Variants in GPR155 observed in about 807,000 individuals in gnomAD.
GPR155 encodes the protein G protein-coupled receptor 155.
A neutral mutation model predicts 93.1 loss-of-function variants in GPR155; 65 were observed. The ratio of observed to expected loss-of-function variants is 0.70; its 90% CI spans 0.57 to 0.86. GPR155 has a LOEUF of 0.86. Among genes scored for constraint, GPR155 ranks in the 40% least tolerant of loss-of-function variants. The pLI, the probability that GPR155 is intolerant of heterozygous loss-of-function variation, is 0.00. For synonymous variants in GPR155, 319 were observed against 360.1 expected (o/e 0.89, Z 1.29); for missense variants, 838 against 1,034.8 (o/e 0.81, Z 2.61).
intron 5 of GPR155, among the ~76,000 whole-genome samples, chr2:174,468,149 T>C (rs1389290879): frequency 1.3e-5 from 2 of 152,214 alleles, no homozygotes; most frequent in African/African-American, 4.8e-5. Flanking sequence ...TATGGTCTCT[T>C]TCCCCAAACT....
At chr2:174,461,521 A>C (rs1687694653) in intron 8 of GPR155, 29 bp from the exon 9 acceptor site, 1 of 1,585,894 alleles carries the variant, frequency 6.3e-7, no homozygotes, top group East Asian at 2.2e-5. Flanking sequence ...TTGGGAGAGA[A>C]AAAGAAAGGA....
rs560414314 is a variant in GPR155 at position 174,480,872 on chromosome 2, C to A, written c.460+625G>T. On this transcript the variant is annotated intron_variant, in intron 2 of 15. Transcript: ENST00000392552. ...GCAACCTCTGCCTCCTGGGCTCAAGCAATCCTCCTGCCTCAGCCTCTTGGG... is the reference window on the plus strand; with the variant it reads ...GCAACCTCTGCCTCCTGGGCTCAAGAAATCCTCCTGCCTCAGCCTCTTGGG... 2.0e-5 allele frequency among the ~76,000 whole-genome samples: 3 copies of A among 152,232 alleles called. No homozygotes were observed. In the South Asian group the frequency reaches 6.2e-4, roughly 32 times the overall value.
At position 174,453,852 on chromosome 2, in the gene GPR155, C is replaced by A. The variant is rs1282312121; in HGVS notation, c.1772-11G>T. ...AGCAGGAGCAGCAACCTATATCAATCAAATAGTATGTGAGAGTAGAGCCCA... is the reference window on the plus strand; with the variant it reads ...AGCAGGAGCAGCAACCTATATCAATAAAATAGTATGTGAGAGTAGAGCCCA... On this transcript the variant is annotated splice_polypyrimidine_tract_variant and intron_variant, in intron 10 of 15. Coordinates refer to ENST00000392552, the MANE Select transcript of GPR155 (RefSeq NM_152529.7). 6.3e-7 allele frequency: 1 copy of A among 1,578,464 alleles called. No individual in the cohort carries two copies. The highest frequency in any genetic ancestry group is 8.7e-7 in the Non-Finnish European group (1 of 1,148,034).
intron 10 of GPR155, among the ~76,000 whole-genome samples, chr2:174,454,073 C>T (rs1178744658): frequency 6.6e-6 from 1 of 152,170 alleles, no homozygotes; most frequent in African/African-American, 2.4e-5. Context: ...TGGTAGCTTA[C>T]ACCTGTTGCT....
chr2:174,439,934 C>T lies in GPR155; in HGVS notation c.2276G>A (p.Arg759His), dbSNP rs745614550. 48 of 1,612,776 alleles carry T rather than the reference C, an allele frequency of 3.0e-5. No individual in the cohort carries two copies. The highest frequency in any genetic ancestry group is 3.6e-5 in the Non-Finnish European group (43 of 1,179,142). Residue 759 changes from arginine (R) to histidine (H), a missense_variant, in exon 15 of 16, where the codon CGT becomes CAT. Arg to His is a conservative substitution (Grantham distance 29). This residue lies in a region of GPR155 where 146 missense variants were observed against 177.5 expected (regional missense o/e 0.82). Transcript: ENST00000392552. The part of the protein sequence containing the change: ...MTCQQFIHYH[R>H]DLCIRNIVKE... ...GACAATGTTTCGGATACAGAGGTCA[C>T]GGTGATAATGGATAAATTGTTGACA... is the stretch of plus-strand genomic sequence containing the variant.
chr2:174,441,723 TTGTGTGTGTGTGTG>T (rs3043735), intron 14 of GPR155, among the ~76,000 whole-genome samples: 2 of 148,092 alleles, frequency 1.4e-5, no homozygotes, highest in Admixed American at 6.8e-5. Context: ...ATCAGTATCT[TTGTGTGTGTGTGTG>T]TGTGTGTGTG....
chr2:174,461,408 T>C lies in GPR155; in HGVS notation c.1554A>G (p.Lys518=), dbSNP rs370983533. The C allele has an allele frequency of 1.9e-6, 3 of 1,608,894 alleles. No homozygotes were observed. In the African/African-American group the frequency reaches 4.0e-5, roughly 21 times the overall value. The change falls in exon 9 of 16, where the codon AAA becomes AAG. Residue 518 remains lysine (K), a synonymous_variant. Coordinates refer to ENST00000392552, the MANE Select transcript of GPR155 (RefSeq NM_152529.7). ...DSIDSAFFYG[K]EQMITTAVTL... is the part of the protein sequence containing the mutation. Reference sequence around the variant, plus strand: ...GCCAGTAAACTCTTCCCACCTGTTCTTTTCCATAAAAGAAGGCTGAGTCAA... The same window carrying C: ...GCCAGTAAACTCTTCCCACCTGTTCCTTTCCATAAAAGAAGGCTGAGTCAA...
intron 10 of GPR155, among the ~76,000 whole-genome samples, chr2:174,454,377 T>C (rs1687425761): frequency 1.3e-5 from 2 of 152,156 alleles, no homozygotes; most frequent in South Asian, 4.1e-4. Flanking sequence ...CCTCAGGCGA[T>C]CTGCCCGCCT....
intron 9 of GPR155, 26 bp from the exon 10 acceptor site, chr2:174,460,114 G>C (rs1325758682): frequency 6.5e-7 from 1 of 1,544,218 alleles, no homozygotes; most frequent in Non-Finnish European, 8.9e-7. Context: ...AAAGATATCA[G>C]GCCACTTTTC....
At chr2:174,446,515 G>C in intron 12 of GPR155, 96 bp downstream of exon 12, 2 of 1,157,208 alleles carry the variant, frequency 1.7e-6, no homozygotes, top group Admixed American at 4.6e-5. Context: ...CACACTTCTG[G>C]AAAGCAGCAA....
intron 10 of GPR155, among the ~76,000 whole-genome samples, chr2:174,455,204 A>G (rs36042720): frequency 8.3e-6 from 1 of 120,292 alleles, no homozygotes; most frequent in African/African-American, 2.9e-5. Context: ...AATAACAACA[A>G]CAACAACAAC....
chr2:174,483,193 T>A (rs1199369623), intron 1 of GPR155: 1 of 133,000 alleles, frequency 7.5e-6, no homozygotes, highest in Non-Finnish European at 1.6e-5. Flanking sequence ...AAATTTTTTT[T>A]AATGAATAAC....
In GPR155 at chr2:174,439,918, T is replaced by G. The variant is rs777024388; in HGVS notation, c.2292A>C (p.Arg764=). 1 of 1,613,208 alleles carries G rather than the reference T, an allele frequency of 6.2e-7. No homozygotes were observed. Among genetic ancestry groups the G allele is most frequent in the South Asian group, 1.1e-5 (1 of 90,932 alleles). The stretch of plus-strand genomic sequence containing the variant: ...CTTACCTTCTTTCTTTGACAATGTT[T>G]CGGATACAGAGGTCACGGTGATAAT... The part of the protein sequence containing the change: ...FIHYHRDLCI[R]NIVKERRCGA... The change falls in exon 15 of 16, where the codon CGA becomes CGC. Residue 764 remains arginine (R), a synonymous_variant. Coordinates refer to ENST00000392552, the MANE Select transcript of GPR155 (RefSeq NM_152529.7).
intron 2 of GPR155, among the ~76,000 whole-genome samples, chr2:174,474,436 C>T (rs1451921120): frequency 6.6e-6 from 1 of 152,170 alleles, no homozygotes; most frequent in Admixed American, 6.5e-5. Context: ...GAGGGAAATA[C>T]AGTAGAGTCA....
At chr2:174,464,230 T>C (rs974917003) in intron 7 of GPR155, among the ~76,000 whole-genome samples, 3 of 152,178 alleles carry the variant, frequency 2.0e-5, no homozygotes, top group African/African-American at 4.8e-5. Context: ...GTAGAGATTA[T>C]AGGTGTCACA....
chr2:174,475,892 C>T (rs1200664826), intron 2 of GPR155, among the ~76,000 whole-genome samples: 1 of 152,162 alleles, frequency 6.6e-6, no homozygotes, highest in African/African-American at 2.4e-5. Flanking sequence ...AGATGCATAA[C>T]ATGTTTTCCT....
At chr2:174,445,292 G>T in intron 12 of GPR155, 116 bp from the exon 13 acceptor site, 2 of 614,668 alleles carry the variant, frequency 3.3e-6, no homozygotes, top group East Asian at 2.8e-5. Flanking sequence ...AAGACTAGAC[G>T]GAAAAACACT....
At chr2:174,437,545 G>A (rs983402710) in intron 15 of GPR155, among the ~76,000 whole-genome samples, 1 of 140,778 alleles carries the variant, frequency 7.1e-6, no homozygotes, top group Non-Finnish European at 1.6e-5. Context: ...CCTTCTTTTT[G>A]CTTGTTGATT....
At chr2:174,471,651 T>C (rs1559115722) in intron 3 of GPR155, among the ~76,000 whole-genome samples, 1 of 151,992 alleles carries the variant, frequency 6.6e-6, no homozygotes, top group Non-Finnish European at 1.5e-5. Flanking sequence ...AAGACCAAGA[T>C]TGTTAACATT....
Sources: gnomAD v4.1 joint callset for allele counts (sites outside exome capture counted in the v4.1 genomes callset) on GRCh38, gnomAD v4.1.1 for gene constraint, gnomAD v4.1.1 regional missense constraint, MANE v1.5 for transcripts, NCBI Gene and HGNC (gene_info 2026-07-23, HGNC 2026-07-21) for gene names.